TULP4: variants seen among roughly 807,000 people sequenced by gnomAD.
The protein encoded by TULP4 is TUB like protein 4.
A neutral mutation model predicts 129.0 loss-of-function variants in TULP4; 16 were observed. The ratio of observed to expected loss-of-function variants is 0.12; its 90% CI spans 0.08 to 0.19. The LOEUF (loss-of-function observed/expected upper bound fraction) is 0.19, where lower values mean the gene tolerates loss of function less well. Among genes scored for constraint, TULP4 ranks in the 10% least tolerant of loss-of-function variants. The pLI is 1.00. For synonymous variants in TULP4, 998 were observed against 854.0 expected, an observed-to-expected ratio of 1.17 and a Z score of -2.94; for missense variants, 1,842 against 2,059.1, an observed-to-expected ratio of 0.89 and a Z score of 2.04.
Position 158,375,278 on chromosome 6 carries a change from A to G in TULP4, c.253-37787A>G, listed in dbSNP as rs371000474. Among the ~76,000 whole-genome samples, 3 of 152,174 alleles carry G rather than the reference A, an allele frequency of 2.0e-5. No homozygotes were observed. In the South Asian group the frequency reaches 6.2e-4, roughly 32 times the overall value. Reference sequence around the variant, plus strand: ...AAAGAAGTTAAGTAATGAAGTTGGAATTTTTAATTTAGTATGTTCTTTTTT... The same window carrying G: ...AAAGAAGTTAAGTAATGAAGTTGGAGTTTTTAATTTAGTATGTTCTTTTTT... On this transcript the variant is annotated intron_variant, in intron 1 of 13. Coordinates refer to ENST00000367097, the MANE Select transcript of TULP4 (RefSeq NM_020245.5).
chr6:158,313,248 C>G lies in TULP4; in HGVS notation c.-769C>G, dbSNP rs1779404130. 5.5e-6 allele frequency: 2 copies of G among 365,016 alleles called. No individual in the cohort carries two copies. The highest frequency in any genetic ancestry group is 3.0e-4 in the South Asian group (2 of 6,732). The allele number at this position is 365,016 out of a possible 1,614,324, so 22.6% of individuals were successfully genotyped here. ...TGCGCCGGCTGGTGGAGGAGCAGTC[C>G]GATGGAGCCCTGCGTTCCCCGGGGA... On this transcript the variant is annotated 5_prime_UTR_variant, in exon 1 of 14. Coordinates refer to ENST00000367097, the MANE Select transcript of TULP4 (RefSeq NM_020245.5).
intron 1 of TULP4, among the ~76,000 whole-genome samples, chr6:158,245,642 A>G (rs1483939931): frequency 6.6e-6 from 1 of 152,218 alleles, no homozygotes; most frequent in Non-Finnish European, 1.5e-5. Context: ...ATATATGTAC[A>G]TAGTAAAGAA....
At chr6:158,272,120 G>A (rs1460740220) in intron 1 of TULP4, among the ~76,000 whole-genome samples, 3 of 152,118 alleles carry the variant, frequency 2.0e-5, no homozygotes, top group Admixed American at 1.3e-4. Flanking sequence ...TACTGTCCTC[G>A]GGGAGGTGAC....
At chr6:158,242,099 C>T (rs1777932672) in intron 1 of TULP4, 1 of 823,638 alleles carries the variant, frequency 1.2e-6, no homozygotes, top group Non-Finnish European at 2.2e-6. Context: ...AGAGCCTCCT[C>T]TGTTTGACCC....
rs376485331 is a variant in TULP4, at chr6:158,502,190, G to A, written c.2527G>A (p.Ala843Thr). The change falls in exon 13 of 14, where the codon GCT (alanine) becomes ACT (threonine). Residue 843 changes from alanine (A) to threonine (T), a missense_variant. Physicochemically the swap from Ala to Thr is moderately conservative, Grantham distance 58 (BLOSUM62 0). Around this residue, in one of 5 missense-constraint regions of TULP4, gnomAD observed 1,089 missense variants for 987.1 expected, o/e 1.10. Transcript: ENST00000367097. ...PPPPYPGTIP[A>T]APTTAAPPPP... Reference sequence around the variant, plus strand: ...ACCCCCGTACCCAGGAACCATCCCCGCTGCCCCCACCACAGCAGCACCCCC... The same window carrying A: ...ACCCCCGTACCCAGGAACCATCCCCACTGCCCCCACCACAGCAGCACCCCC... 1.8e-5 allele frequency: 13 copies of A among 731,674 alleles called. No homozygotes were observed. Among genetic ancestry groups the A allele is most frequent in the South Asian group, 5.1e-5 (2 of 39,168 alleles). 45.3% of individuals were successfully genotyped at this position (731,674 alleles called of 1,614,324 possible).
intron 1 of TULP4, among the ~76,000 whole-genome samples, chr6:158,388,316 G>GGTT (rs1777497121): frequency 1.1e-5 from 1 of 92,822 alleles, no homozygotes; most frequent in Non-Finnish European, 2.1e-5. Flanking sequence ...TAATCTGCTC[G>GGTT]TTTTTCTTTT....
chr6:158,477,109 A>C (rs952766922), intron 6 of TULP4, among the ~76,000 whole-genome samples: 1 of 152,184 alleles, frequency 6.6e-6, no homozygotes, highest in Admixed American at 6.5e-5. Context: ...TGTTTTTGTC[A>C]GGATGGGTGG....
intron 1 of TULP4, among the ~76,000 whole-genome samples, chr6:158,298,350 T>C (rs1386621548): frequency 2.0e-5 from 3 of 152,206 alleles, no homozygotes. Flanking sequence ...TAAAAAATTA[T>C]AAAAGTATTA....
At chr6:158,239,615 C>G (rs1311958253) in intron 1 of TULP4, among the ~76,000 whole-genome samples, 4 of 59,580 alleles carry the variant, frequency 6.7e-5, no homozygotes, top group Non-Finnish European at 7.2e-5. Flanking sequence ...CCCTCCCGGA[C>G]GGGGCGGCTG....
intron 13 of TULP4, among the ~76,000 whole-genome samples, chr6:158,504,776 G>A (rs1161937362): frequency 6.6e-6 from 1 of 152,134 alleles, no homozygotes; most frequent in Non-Finnish European, 1.5e-5. Context: ...ACAGGCGTGA[G>A]CCAACGCACC....
chr6:158,452,075 G>A (rs1779173933), intron 4 of TULP4, 59 bp from the exon 5 acceptor site: 1 of 1,591,582 alleles, frequency 6.3e-7, no homozygotes, highest in Non-Finnish European at 8.6e-7. Context: ...TCAGCTTTGG[G>A]AACCTGGATT....
intron 1 of TULP4, among the ~76,000 whole-genome samples, chr6:158,276,303 TTTC>T (rs1156370609): frequency 2.1e-3 from 273 of 127,224 alleles, no homozygotes; most frequent in African/African-American, 5.7e-3. Flanking sequence ...TTTCTTCTTC[TTTC>T]TTTTTTTTTT....
At chr6:158,276,499 GTC>G (rs1778649184) in intron 1 of TULP4, among the ~76,000 whole-genome samples, 1 of 151,020 alleles carries the variant, frequency 6.6e-6, no homozygotes, top group Non-Finnish European at 1.5e-5. Flanking sequence ...TAGACATGGA[GTC>G]TCACACTGGT....
intron 4 of TULP4, among the ~76,000 whole-genome samples, chr6:158,451,097 A>G (rs566234739): frequency 3.9e-5 from 6 of 152,198 alleles, no homozygotes; most frequent in African/African-American, 1.4e-4. Flanking sequence ...AGAAAAGAAA[A>G]GAAAGGAAAA....
At chr6:158,275,641 G>A (rs555410356) in intron 1 of TULP4, among the ~76,000 whole-genome samples, 2 of 152,318 alleles carry the variant, frequency 1.3e-5, no homozygotes, top group East Asian at 3.9e-4. Flanking sequence ...CTAATGGCAA[G>A]TTCTTTCATT....
intron 6 of TULP4, among the ~76,000 whole-genome samples, chr6:158,464,173 T>G (rs57679298): frequency 0.018 from 2,788 of 152,318 alleles, 93 homozygotes; most frequent in African/African-American, 0.064. Flanking sequence ...CAAGAGGTCC[T>G]GAGAATATGT....
chr6:158,382,505 A>G (rs557272916), intron 1 of TULP4, among the ~76,000 whole-genome samples: 1 of 152,330 alleles, frequency 6.6e-6, no homozygotes, highest in Non-Finnish European at 1.5e-5. Context: ...TCCAAGCAGC[A>G]GCGAGGGTGA....
chr6:158,487,999 T>G (rs1320127105), intron 8 of TULP4, among the ~76,000 whole-genome samples: 1 of 152,020 alleles, frequency 6.6e-6, no homozygotes, highest in South Asian at 2.1e-4. Context: ...ATGCAGTTGC[T>G]CAGCTCTTCT....
At chr6:158,417,984 C>T (rs1056551291) in intron 2 of TULP4, among the ~76,000 whole-genome samples, 6 of 152,136 alleles carry the variant, frequency 3.9e-5, no homozygotes, top group Admixed American at 6.5e-5. Context: ...GGTCAGCCTG[C>T]TGCTCAGCTT....
Sources: gnomAD v4.1 joint callset for allele counts (sites outside exome capture counted in the v4.1 genomes callset) on GRCh38, gnomAD v4.1.1 for gene constraint, gnomAD v4.1.1 regional missense constraint, MANE v1.5 for transcripts, NCBI Gene and HGNC (gene_info 2026-07-23, HGNC 2026-07-21) for gene names.